ZNF875: variants seen among roughly 807,000 people sequenced by gnomAD.
The protein encoded by ZNF875 is HKR1, GLI-Kruppel zinc finger family member.
A neutral mutation model predicts 11.2 loss-of-function variants in ZNF875; 14 were observed. That is an observed-to-expected ratio of 1.26 (90% CI 0.83 to 1.96). The LOEUF (loss-of-function observed/expected upper bound fraction) is 1.96, where lower values mean the gene tolerates loss of function less well. Among genes scored for constraint, ZNF875 ranks in the 30% most tolerant of loss-of-function variants. The probability of loss-of-function intolerance (pLI) is 0.00; values close to 1 mark genes in which losing one functional copy is unlikely to be tolerated. For synonymous variants in ZNF875, 301 were observed against 281.1 expected, an observed-to-expected ratio of 1.07 and a Z score of -0.71; for missense variants, 752 against 760.4, an observed-to-expected ratio of 0.99 and a Z score of 0.13.
At chr19:37,357,904 G>C in intron 4 of ZNF875, 1 of 398,310 alleles carries the variant, frequency 2.5e-6, no homozygotes, top group Non-Finnish European at 4.4e-6. Context: ...AGGACTTCCA[G>C]TACTAAGTTG....
chr19:37,321,969 A>G lies in ZNF875; in HGVS notation c.-746-216A>G, dbSNP rs1423102596. 2.0e-5 allele frequency among the ~76,000 whole-genome samples: 3 copies of G among 152,334 alleles called. No homozygotes were observed. The East Asian group carries it at 5.8e-4, about 29-fold the overall frequency. ...CTGTGAATTGTGTTTTTGGTAGTAT[A>G]TGGCATTATTCTGAGGAGGGGTCAA... On this transcript the variant is annotated intron_variant, in intron 1 of 5. Coordinates refer to the ZNF875 transcript ENST00000544914.
chr19:37,324,601 T>TA (rs2032092797), intron 4 of ZNF875, among the ~76,000 whole-genome samples: 1 of 152,188 alleles, frequency 6.6e-6, no homozygotes, highest in Non-Finnish European at 1.5e-5. Context: ...TGAAACGCTA[T>TA]AAAAAATAAT....
intron 2 of ZNF875, among the ~76,000 whole-genome samples, chr19:37,343,109 C>T (rs1050575254): frequency 6.6e-5 from 10 of 152,012 alleles, no homozygotes; most frequent in African/African-American, 4.8e-5. Flanking sequence ...GAGGCCGAGG[C>T]GGGCGGATCA....
At chr19:37,357,273 C>A (rs2039079294) in intron 4 of ZNF875, among the ~76,000 whole-genome samples, 1 of 152,012 alleles carries the variant, frequency 6.6e-6, no homozygotes, top group African/African-American at 2.4e-5. Flanking sequence ...CAGCTTTGTT[C>A]TTTTTGTTTA....
intron 2 of ZNF875, among the ~76,000 whole-genome samples, chr19:37,341,967 C>T (rs1055313785): frequency 2.6e-5 from 4 of 152,174 alleles, no homozygotes; most frequent in African/African-American, 9.7e-5. Flanking sequence ...TGTTTCAGAT[C>T]CTTTGGACTT....
chr19:37,316,771 T>G (rs1366457862), upstream of ZNF875, among the ~76,000 whole-genome samples: 7 of 151,694 alleles, frequency 4.6e-5, no homozygotes, highest in African/African-American at 1.7e-4. Flanking sequence ...CAAGCGATTC[T>G]TGTGCCTCTG....
chr19:37,323,510 A>G (rs1412457109), intron 2 of ZNF875: 1 of 152,048 alleles, frequency 6.6e-6, no homozygotes, highest in Non-Finnish European at 1.5e-5. Flanking sequence ...ACTCAGGCAA[A>G]TCTTGTTTAT....
intron 4 of ZNF875, among the ~76,000 whole-genome samples, chr19:37,352,942 T>G (rs2146427891): frequency 6.7e-6 from 1 of 150,034 alleles, no homozygotes; most frequent in East Asian, 2.0e-4. Context: ...TGGTGAGATC[T>G]TGGCTCAGTC....
chr19:37,326,087 C>T (rs2145746368), intron 4 of ZNF875, among the ~76,000 whole-genome samples: 1 of 152,338 alleles, frequency 6.6e-6, no homozygotes, highest in African/African-American at 2.4e-5. Flanking sequence ...AGCAGTCCTC[C>T]TGTCTTGGCC....
chr19:37,325,579 T>C (rs1465924288), intron 4 of ZNF875, among the ~76,000 whole-genome samples: 1 of 151,860 alleles, frequency 6.6e-6, no homozygotes, highest in African/African-American at 2.4e-5. Flanking sequence ...AGGGTCTTGC[T>C]TTGTTGCCCA....
Position 37,361,921 on chromosome 19 carries a change from A to G in ZNF875, c.257-188A>G, listed in dbSNP as rs1468346566. On this transcript the variant is annotated intron_variant, in intron 4 of 4. Transcript: ENST00000392153. ...GAAAGAAAGACTCCGTTTAAAAAAAAAAACAAAAAAACAAAAGAAAGTGTA... is the reference window on the plus strand; with the variant it reads ...GAAAGAAAGACTCCGTTTAAAAAAAGAAACAAAAAAACAAAAGAAAGTGTA... 1.6e-5 allele frequency: 8 copies of G among 508,300 alleles called. No individual in the cohort carries two copies. In the African/African-American group the frequency reaches 3.6e-4, roughly 23 times the overall value. 31.5% of individuals were successfully genotyped at this position (508,300 alleles called of 1,614,324 possible).
At chr19:37,346,777 T>A (rs906497648) in intron 2 of ZNF875, 2 of 214,978 alleles carry the variant, frequency 9.3e-6, no homozygotes, top group South Asian at 1.3e-4. Flanking sequence ...AATAATGGTC[T>A]TTCACTCCTT....
upstream of ZNF875, among the ~76,000 whole-genome samples, chr19:37,316,497 G>C (rs987166524): frequency 4.9e-4 from 75 of 151,522 alleles, no homozygotes; most frequent in African/African-American, 1.7e-3. Context: ...AGCCTCCCAA[G>C]TAGCTACGAT....
At chr19:37,322,219 G>T (rs971893022) in exon 2 of ZNF875, 3 of 152,150 alleles carry the variant, frequency 2.0e-5, no homozygotes, top group African/African-American at 7.2e-5. Context: ...CTTCTGTTTT[G>T]GATGCATTGG....
chr19:37,340,130 G>C (rs914188907), intron 2 of ZNF875, among the ~76,000 whole-genome samples: 22 of 152,076 alleles, frequency 1.4e-4, no homozygotes, highest in African/African-American at 5.1e-4. Flanking sequence ...TTACAGGCAT[G>C]TGCCACCGTG....
chr19:37,343,395 C>T (rs370856947), intron 2 of ZNF875, among the ~76,000 whole-genome samples: 1 of 145,586 alleles, frequency 6.9e-6, no homozygotes, highest in African/African-American at 2.5e-5. Flanking sequence ...ACCAAACAAA[C>T]TTAGCAGCTT....
chr19:37,327,757 CCT>C (rs1568568209), intron 4 of ZNF875, among the ~76,000 whole-genome samples: 1 of 60,412 alleles, frequency 1.7e-5, no homozygotes, highest in African/African-American at 8.1e-5. Flanking sequence ...GAGCAAAACT[CCT>C]CAAAAAAAAA....
At chr19:37,316,626 T>A (rs1256582111), upstream of ZNF875, among the ~76,000 whole-genome samples, 1 of 151,870 alleles carries the variant, frequency 6.6e-6, no homozygotes, top group Non-Finnish European at 1.5e-5. Flanking sequence ...CGCCTCGGCC[T>A]CCCAAAGTGC....
At chr19:37,362,048 A>G in intron 4 of ZNF875, 61 bp from the exon 5 acceptor site, 2 of 1,096,040 alleles carry the variant, frequency 1.8e-6, no homozygotes, top group East Asian at 4.7e-5. Context: ...CCAGTGGGCA[A>G]GGCAAAATTG....
Sources: allele counts gnomAD v4.1 joint callset (sites outside exome capture counted in the v4.1 genomes callset), GRCh38; gene constraint gnomAD v4.1.1; transcripts MANE v1.5; gene names NCBI Gene and HGNC (gene_info 2026-07-23, HGNC 2026-07-21).